The following GUCY1A2 variants were observed in gnomAD, a reference collection of about 807,000 sequenced individuals.
GUCY1A2 encodes guanylate cyclase 1 soluble subunit alpha 2, also known as guanylate cyclase soluble subunit alpha-2.
In GUCY1A2, 27 loss-of-function variants were observed where a neutral mutation model predicts 63.5. The observed-to-expected ratio is 0.43, with a 90% CI of 0.31 to 0.59. The LOEUF (loss-of-function observed/expected upper bound fraction) is 0.59, where lower values mean the gene tolerates loss of function less well. Among genes scored for constraint, GUCY1A2 ranks in the 20% least tolerant of loss-of-function variants. GUCY1A2 has a pLI of 0.11. For missense variants in GUCY1A2, 768 were observed against 913.3 expected (o/e 0.84, Z 2.05); for synonymous variants, 364 against 343.5 (o/e 1.06, Z -0.66).
At chr11:106,842,740 T>G (rs538421086) in intron 4 of GUCY1A2, among the ~76,000 whole-genome samples, 76 of 151,848 alleles carry the variant, frequency 5.0e-4, no homozygotes, top group African/African-American at 1.3e-3. Flanking sequence ...GGAATGAAGG[T>G]GGGTGGTGGG....
Position 106,709,438 on chromosome 11 carries a change from TA to T in GUCY1A2, c.1837-773del, listed in dbSNP as rs1432737287. On this transcript the variant is annotated intron_variant, in intron 6 of 7. Coordinates refer to ENST00000526355, the MANE Select transcript of GUCY1A2 (RefSeq NM_000855.3). ...TGTATATATTATATATAAGTATATA[TA>T]ATAATATATATTCTATATTTATAGA... Among the ~76,000 whole-genome samples, 530 of 68,046 alleles carry T rather than the reference TA, an allele frequency of 7.8e-3. 13 individuals carry two copies. Among genetic ancestry groups the T allele is most frequent in the African/African-American group, 0.038 (514 of 13,640 alleles). 44.6% of individuals were successfully genotyped at this position (68,046 alleles called of 152,430 possible).
intron 6 of GUCY1A2, among the ~76,000 whole-genome samples, chr11:106,719,430 T>G (rs1189098501): frequency 6.6e-6 from 1 of 152,132 alleles, no homozygotes; most frequent in African/African-American, 2.4e-5. Flanking sequence ...TACATGTGTG[T>G]TTATCAGTTA....
chr11:106,676,573 C>T lies in GUCY1A2; in HGVS notation c.*10976G>A, dbSNP rs1212120142. On this transcript the variant is annotated 3_prime_UTR_variant, in exon 8 of 8. Transcript: ENST00000526355. ...TTGATGACAAATGTTTCCAAACCCT[C>T]AATAAGAACTCAAAACATCATACTA... The T allele has an allele frequency of 1.1e-5, 2 of 186,238 alleles. No homozygotes were observed. Among genetic ancestry groups the T allele is most frequent in the East Asian group, 1.7e-4 (2 of 11,616 alleles). 11.5% of individuals were successfully genotyped at this position (186,238 alleles called of 1,614,324 possible).
chr11:106,801,649 CTTA>C (rs1365866588), intron 5 of GUCY1A2, among the ~76,000 whole-genome samples: 2 of 152,158 alleles, frequency 1.3e-5, no homozygotes, highest in East Asian at 3.9e-4. Flanking sequence ...AAAAGGGACA[CTTA>C]TTATTTGATA....
chr11:106,723,804 A>C (rs939746656), intron 6 of GUCY1A2, among the ~76,000 whole-genome samples: 4 of 152,198 alleles, frequency 2.6e-5, no homozygotes, highest in Non-Finnish European at 5.9e-5. Context: ...AGCCTGGGCA[A>C]CAAGAGCGAA....
At chr11:106,990,540 G>A (rs936215554) in intron 1 of GUCY1A2, among the ~76,000 whole-genome samples, 2 of 152,244 alleles carry the variant, frequency 1.3e-5, no homozygotes, top group Non-Finnish European at 1.5e-5. Context: ...CAGATGGTGC[G>A]GGGATCAGGC....
intron 6 of GUCY1A2, among the ~76,000 whole-genome samples, chr11:106,764,720 A>C (rs1864128427): frequency 6.6e-6 from 1 of 152,124 alleles, no homozygotes; most frequent in Non-Finnish European, 1.5e-5. Flanking sequence ...AGCACGTAGT[A>C]AGCACTAGGT....
chr11:106,746,626 G>A (rs1863791777), intron 6 of GUCY1A2: 1 of 1,594,184 alleles, frequency 6.3e-7, no homozygotes. Flanking sequence ...AGGAGAAAAG[G>A]AGTTCACTCC....
intron 3 of GUCY1A2, among the ~76,000 whole-genome samples, chr11:106,973,194 A>G (rs1199723115): frequency 6.6e-6 from 1 of 152,148 alleles, no homozygotes; most frequent in Non-Finnish European, 1.5e-5. Context: ...TTTCCATTAA[A>G]AGAAATCAAC....
intron 6 of GUCY1A2, among the ~76,000 whole-genome samples, chr11:106,736,444 T>C (rs1863590730): frequency 6.6e-6 from 1 of 152,194 alleles, no homozygotes; most frequent in Non-Finnish European, 1.5e-5. Flanking sequence ...TAACTACAGA[T>C]GTATAAATTT....
At chr11:106,957,731 GC>G (rs959305321) in intron 3 of GUCY1A2, among the ~76,000 whole-genome samples, 1 of 150,860 alleles carries the variant, frequency 6.6e-6, no homozygotes, top group African/African-American at 2.4e-5. Context: ...GGCCATCTTG[GC>G]CCCGCCTCCA....
At chr11:106,798,198 C>T (rs1310168613) in intron 5 of GUCY1A2, among the ~76,000 whole-genome samples, 1 of 152,152 alleles carries the variant, frequency 6.6e-6, no homozygotes, top group African/African-American at 2.4e-5. Context: ...CATACACCCT[C>T]CCAAGACTAA....
rs1290203287 is a variant in GUCY1A2, at chr11:106,725,317, C to T, written c.1837-16651G>A. ...CCTCCCAAGTAGCTGGGACTACAGG[C>T]GCCCGCCACTACGCCCGGCTAATTT... On this transcript the variant is annotated intron_variant, in intron 6 of 7. Transcript: ENST00000526355. 1.9e-5 allele frequency among the ~76,000 whole-genome samples: 2 copies of T among 102,980 alleles called. 1 individual carries two copies. The highest frequency in any genetic ancestry group is 4.2e-5 in the Non-Finnish European group (2 of 48,000). 67.6% of individuals were successfully genotyped at this position (102,980 alleles called of 152,430 possible). A position where few individuals can be genotyped will look rare whatever the true frequency, so the allele number is the denominator to read the frequency against.
At chr11:106,741,003 G>T (rs1178939091) in intron 6 of GUCY1A2, among the ~76,000 whole-genome samples, 2 of 152,148 alleles carry the variant, frequency 1.3e-5, no homozygotes, top group African/African-American at 2.4e-5. Flanking sequence ...TAGTCTAGCT[G>T]CACAGTCTTG....
chr11:106,694,958 T>C (rs1257180460), intron 7 of GUCY1A2, among the ~76,000 whole-genome samples: 2 of 152,196 alleles, frequency 1.3e-5, no homozygotes, highest in Admixed American at 1.3e-4. Context: ...CTTTTGGTCA[T>C]ATTTTGGATG....
In GUCY1A2 at chr11:106,967,403, A is replaced by T. The variant is rs201871509; in HGVS notation, c.487+11216T>A. 4.6e-5 allele frequency among the ~76,000 whole-genome samples: 7 copies of T among 152,220 alleles called. No homozygotes were observed. The East Asian group carries it at 1.4e-3, about 29-fold the overall frequency. On this transcript the variant is annotated intron_variant, in intron 3 of 7. Transcript: ENST00000526355. ...GTTATCTAAAGCTCTCAAGTAAAAAAATCTAGCAGTAACCAGGCATTTTAT... is the reference window on the plus strand; with the variant it reads ...GTTATCTAAAGCTCTCAAGTAAAAATATCTAGCAGTAACCAGGCATTTTAT...
chr11:106,952,703 C>T (rs1446442456), intron 3 of GUCY1A2, among the ~76,000 whole-genome samples: 4 of 151,572 alleles, frequency 2.6e-5, no homozygotes, highest in African/African-American at 9.7e-5. Flanking sequence ...CAGGCTGGTA[C>T]ACTCTCAGCT....
chr11:106,783,844 T>C (rs1259435808), intron 5 of GUCY1A2, among the ~76,000 whole-genome samples: 1 of 152,088 alleles, frequency 6.6e-6, no homozygotes, highest in Non-Finnish European at 1.5e-5. Context: ...GTGGGGGTGG[T>C]TTCAAAAGGT....
intron 1 of GUCY1A2, among the ~76,000 whole-genome samples, chr11:107,009,881 T>C (rs760621974): frequency 2.0e-5 from 3 of 152,154 alleles, no homozygotes; most frequent in Non-Finnish European, 4.4e-5. Context: ...CCTCTAGACA[T>C]ACCTTCAGCA....
Sources: allele counts gnomAD v4.1 joint callset (sites outside exome capture counted in the v4.1 genomes callset), GRCh38; gene constraint gnomAD v4.1.1; transcripts MANE v1.5; gene names NCBI Gene and HGNC (gene_info 2026-07-23, HGNC 2026-07-21).